The following PRTFDC1 variants were observed in gnomAD, a reference collection of about 807,000 sequenced individuals.
PRTFDC1 encodes phosphoribosyl transferase domain containing 1.
PRTFDC1 carries 38 observed loss-of-function variants against 34.6 expected under a neutral mutation model. The observed-to-expected ratio is 1.10, with a 90% confidence interval of 0.85 to 1.44. The LOEUF (loss-of-function observed/expected upper bound fraction) is 1.44, where lower values mean the gene tolerates loss of function less well. Among genes scored for constraint, PRTFDC1 ranks in the 40% most tolerant of loss-of-function variants. The probability of loss-of-function intolerance (pLI) is 0.00; values close to 1 mark genes in which losing one functional copy is unlikely to be tolerated. For missense variants in PRTFDC1, 270 were observed against 283.0 expected (o/e 0.95, Z 0.33); for synonymous variants, 93 against 98.1 (o/e 0.95, Z 0.31).
intron 3 of PRTFDC1, among the ~76,000 whole-genome samples, chr10:24,893,586 A>G (rs1176666052): frequency 6.6e-6 from 1 of 152,208 alleles, no homozygotes; most frequent in Non-Finnish European, 1.5e-5. Context: ...CTGCAACAAC[A>G]GGAGGGCCAC....
rs2132585548 is a variant in PRTFDC1, at chr10:24,922,576, G to T, written c.339+14608C>A. ...CATATGCCCTCTTGCCTGCCACCAT[G>T]TAAGATATGATTTTGCCCCTAATTT... is the stretch of plus-strand genomic sequence containing the variant. On this transcript the variant is annotated intron_variant, in intron 3 of 8. Transcript: ENST00000320152. Among the ~76,000 whole-genome samples, 3 of 152,254 alleles carry T rather than the reference G, an allele frequency of 2.0e-5. No homozygotes were observed. In the South Asian group the frequency reaches 6.2e-4, roughly 32 times the overall value.
At chr10:24,889,607 T>C (rs1004150534) in intron 3 of PRTFDC1, among the ~76,000 whole-genome samples, 1 of 152,172 alleles carries the variant, frequency 6.6e-6, no homozygotes, top group Non-Finnish European at 1.5e-5. Flanking sequence ...GAAGGGCAAA[T>C]ATCAAGTGTT....
intron 4 of PRTFDC1, among the ~76,000 whole-genome samples, chr10:24,870,263 A>C (rs902415633): frequency 1.4e-4 from 21 of 152,166 alleles, no homozygotes; most frequent in African/African-American, 5.1e-4. Flanking sequence ...GTGCACCACC[A>C]TGCCTGGCTA....
At chr10:24,937,113 A>G (rs1849062924) in intron 3 of PRTFDC1, 71 bp downstream of exon 3, 2 of 1,358,188 alleles carry the variant, frequency 1.5e-6, no homozygotes, top group African/African-American at 2.9e-5. Context: ...CATTTTCATA[A>G]CATTATTGAT....
chr10:24,941,372 ATT>A lies in PRTFDC1; in HGVS notation c.155+956_155+957del, dbSNP rs61097435. On this transcript the variant is annotated intron_variant, in intron 2 of 8. Transcript: ENST00000320152. ...ACCCAGCCCTGTAAATTACATCTTA[ATT>A]TTTTTTTTTTTTGAGACAAGATCTC... Among the ~76,000 whole-genome samples the A allele has an allele frequency of 9.8e-4, 143 of 145,822 alleles. 1 individual carries two copies. The South Asian group carries it at 0.018, about 18-fold the overall frequency.
At chr10:24,881,950 T>C (rs1162798810) in intron 3 of PRTFDC1, among the ~76,000 whole-genome samples, 1 of 152,030 alleles carries the variant, frequency 6.6e-6, no homozygotes, top group Non-Finnish European at 1.5e-5. Context: ...CTCATATCTG[T>C]AATCCCAGAA....
chr10:24,939,621 C>T (rs1339429495), intron 2 of PRTFDC1, among the ~76,000 whole-genome samples: 3 of 151,296 alleles, frequency 2.0e-5, no homozygotes, highest in African/African-American at 7.3e-5. Context: ...GGTGAAACCC[C>T]ATCTCTACTA....
intron 7 of PRTFDC1, among the ~76,000 whole-genome samples, chr10:24,853,395 TGAG>T (rs1480915505): frequency 2.0e-5 from 3 of 151,972 alleles, no homozygotes; most frequent in Non-Finnish European, 4.4e-5. Context: ...GTGGATCACC[TGAG>T]GTCAGGAGTC....
chr10:24,898,595 T>C (rs1321273237), intron 3 of PRTFDC1, among the ~76,000 whole-genome samples: 1 of 152,092 alleles, frequency 6.6e-6, no homozygotes, highest in Non-Finnish European at 1.5e-5. Context: ...TTCTCCTTCT[T>C]GTCTCTGCTT....
chr10:24,863,720 A>G (rs534287255), intron 4 of PRTFDC1, among the ~76,000 whole-genome samples: 2 of 152,174 alleles, frequency 1.3e-5, no homozygotes, highest in African/African-American at 4.8e-5. Flanking sequence ...AAATATTAAC[A>G]TGAGTAGGAG....
chr10:24,871,309 G>A (rs568106409), intron 4 of PRTFDC1, among the ~76,000 whole-genome samples: 13 of 152,144 alleles, frequency 8.5e-5, no homozygotes, highest in African/African-American at 3.1e-4. Flanking sequence ...AACAAATTCC[G>A]GATTGCTTTT....
At chr10:24,943,754 G>A (rs11014315) in intron 1 of PRTFDC1, among the ~76,000 whole-genome samples, 3 of 151,732 alleles carry the variant, frequency 2.0e-5, no homozygotes, top group African/African-American at 7.3e-5. Context: ...GTTTTGCCAC[G>A]TTGCCCAGGC....
In PRTFDC1 at chr10:24,856,113, C is replaced by CAA. The variant is rs56982921; in HGVS notation, c.507-751_507-750dup. On this transcript the variant is annotated intron_variant, in intron 6 of 8. Transcript: ENST00000320152. ...TGGGTGACAGAGCAAGACTCCGTCT[C>CAA]AAAAAAAAAAAAAAAAAAAAAAAAA... Among the ~76,000 whole-genome samples the CAA allele has an allele frequency of 3.2e-4, 13 of 41,100 alleles. 1 individual carries two copies. Among genetic ancestry groups the CAA allele is most frequent in the African/African-American group, 2.2e-4 (2 of 9,232 alleles). 27.0% of individuals were successfully genotyped at this position (41,100 alleles called of 152,430 possible).
At chr10:24,938,405 A>G (rs567854699) in intron 2 of PRTFDC1, among the ~76,000 whole-genome samples, 1 of 152,282 alleles carries the variant, frequency 6.6e-6, no homozygotes, top group South Asian at 2.1e-4. Context: ...AAAACCCTGA[A>G]CACTGGGTGG....
chr10:24,946,871 C>T (rs954205214), intron 1 of PRTFDC1, among the ~76,000 whole-genome samples: 2 of 152,308 alleles, frequency 1.3e-5, no homozygotes, highest in African/African-American at 2.4e-5. Context: ...CACATTGGCT[C>T]ATGCCTGTAA....
intron 3 of PRTFDC1, among the ~76,000 whole-genome samples, chr10:24,929,220 T>C (rs969273458): frequency 6.6e-6 from 1 of 152,062 alleles, no homozygotes; most frequent in Non-Finnish European, 1.5e-5. Context: ...CAAGCACAGA[T>C]AACAAGAGCT....
At chr10:24,897,539 G>A (rs1012642540) in intron 3 of PRTFDC1, among the ~76,000 whole-genome samples, 2 of 152,168 alleles carry the variant, frequency 1.3e-5, no homozygotes, top group Non-Finnish European at 2.9e-5. Context: ...TTGATAGAGT[G>A]AGTCAGCCAT....
chr10:24,906,653 A>C (rs953284379), intron 3 of PRTFDC1, among the ~76,000 whole-genome samples: 2 of 152,222 alleles, frequency 1.3e-5, no homozygotes, highest in Non-Finnish European at 2.9e-5. Flanking sequence ...CATTTCTGCT[A>C]AGGGACCAGT....
At chr10:24,857,117 C>G in intron 5 of PRTFDC1, 122 bp from the exon 6 acceptor site, 1 of 842,476 alleles carries the variant, frequency 1.2e-6, no homozygotes, top group Non-Finnish European at 2.0e-6. Context: ...CAATTTGGAG[C>G]CACAGTAGGA....
Sources: allele counts gnomAD v4.1 joint callset (sites outside exome capture counted in the v4.1 genomes callset), GRCh38; gene constraint gnomAD v4.1.1; transcripts MANE v1.5; gene names NCBI Gene and HGNC (gene_info 2026-07-23, HGNC 2026-07-21).